The following GRIN2B variants were observed in gnomAD, a reference collection of about 807,000 sequenced individuals.
GRIN2B encodes glutamate ionotropic receptor NMDA type subunit 2B.
A neutral mutation model predicts 114.5 loss-of-function variants in GRIN2B; 5 were observed. The ratio of observed to expected loss-of-function variants is 0.04; its 90% CI spans 0.02 to 0.09. The LOEUF is 0.09. Among genes scored for constraint, GRIN2B ranks in the 10% least tolerant of loss-of-function variants. The pLI is 1.00. For synonymous variants in GRIN2B, 787 were observed against 745.1 expected (o/e 1.06, Z -0.92); for missense variants, 1,108 against 1,943.5 (o/e 0.57, Z 8.08).
chr12:13,956,022 A>G (rs1005539656), intron 2 of GRIN2B, among the ~76,000 whole-genome samples: 2 of 152,186 alleles, frequency 1.3e-5, no homozygotes, highest in African/African-American at 4.8e-5. Flanking sequence ...TGTTTGAAGG[A>G]TATGGGAAGG....
chr12:13,750,232 G>A (rs118038650), intron 4 of GRIN2B, among the ~76,000 whole-genome samples: 10 of 152,292 alleles, frequency 6.6e-5, no homozygotes, highest in East Asian at 5.8e-4. Context: ...TGGAAAAGAC[G>A]GATGTGGGCC....
chr12:13,727,374 T>C (rs1863009212), intron 4 of GRIN2B, among the ~76,000 whole-genome samples: 1 of 152,032 alleles, frequency 6.6e-6, no homozygotes, highest in African/African-American at 2.4e-5. Context: ...CTTGAATTGA[T>C]CTGAAGATTT....
chr12:13,713,907 A>AT (rs777669380), intron 4 of GRIN2B, among the ~76,000 whole-genome samples: 116 of 151,090 alleles, frequency 7.7e-4, no homozygotes, highest in African/African-American at 9.9e-4. Context: ...TTTTGTAAAG[A>AT]TTTTTTTTTC....
chr12:13,618,539 C>T (rs866149234), intron 5 of GRIN2B, among the ~76,000 whole-genome samples: 14 of 152,074 alleles, frequency 9.2e-5, no homozygotes, highest in South Asian at 4.2e-4. Flanking sequence ...AATTTCAAAC[C>T]TCACTAAGGG....
chr12:13,688,250 T>G (rs1431796106), intron 4 of GRIN2B, among the ~76,000 whole-genome samples: 2 of 152,122 alleles, frequency 1.3e-5, no homozygotes, highest in Admixed American at 6.6e-5. Context: ...GAACTAAAAT[T>G]CAAATCCAGA....
At chr12:13,849,445 T>C (rs749846557) in intron 3 of GRIN2B, among the ~76,000 whole-genome samples, 104 of 152,046 alleles carry the variant, frequency 6.8e-4, no homozygotes, top group Non-Finnish European at 4.0e-4. Flanking sequence ...CCCCAATTCC[T>C]CTCTTCCTGG....
At chr12:13,928,487 G>T (rs1209363889) in intron 2 of GRIN2B, among the ~76,000 whole-genome samples, 1 of 152,070 alleles carries the variant, frequency 6.6e-6, no homozygotes, top group African/African-American at 2.4e-5. Flanking sequence ...GATGAAATCA[G>T]ATTATGTAAC....
At chr12:13,698,231 G>A (rs960058317) in intron 4 of GRIN2B, among the ~76,000 whole-genome samples, 6 of 152,210 alleles carry the variant, frequency 3.9e-5, no homozygotes, top group East Asian at 1.9e-4. Flanking sequence ...GGCGCGGGGC[G>A]CGGGGAGCGG....
intron 5 of GRIN2B, among the ~76,000 whole-genome samples, chr12:13,628,575 T>A (rs368456058): frequency 1.8e-4 from 28 of 152,364 alleles, no homozygotes; most frequent in African/African-American, 6.3e-4. Context: ...ATTGCACATT[T>A]AGTAAACCAA....
intron 5 of GRIN2B, among the ~76,000 whole-genome samples, chr12:13,661,030 A>T (rs1308048701): frequency 6.6e-6 from 1 of 152,222 alleles, no homozygotes; most frequent in Non-Finnish European, 1.5e-5. Flanking sequence ...AAGATGCAAC[A>T]TTCTGGCCCT....
At chr12:13,841,083 A>C (rs1413822580) in intron 3 of GRIN2B, among the ~76,000 whole-genome samples, 2 of 152,194 alleles carry the variant, frequency 1.3e-5, no homozygotes, top group Non-Finnish European at 2.9e-5. Flanking sequence ...AAAGCAAAGA[A>C]ACATATTTTT....
intron 3 of GRIN2B, among the ~76,000 whole-genome samples, chr12:13,835,810 A>C (rs992314992): frequency 1.3e-5 from 2 of 151,642 alleles, no homozygotes; most frequent in Non-Finnish European, 2.9e-5. Flanking sequence ...GCCAGCAGGA[A>C]TATGTCCTAA....
chr12:13,624,203 C>T (rs773948928), intron 5 of GRIN2B, among the ~76,000 whole-genome samples: 11 of 152,182 alleles, frequency 7.2e-5, no homozygotes, highest in Non-Finnish European at 1.2e-4. Context: ...TTAAGCCCTT[C>T]GAGGGCAGGG....
intron 5 of GRIN2B, among the ~76,000 whole-genome samples, chr12:13,631,778 C>T (rs528949484): frequency 2.6e-5 from 4 of 152,300 alleles, no homozygotes; most frequent in South Asian, 4.1e-4. Flanking sequence ...TGTGCAAGAA[C>T]AGAATTATTG....
intron 2 of GRIN2B, among the ~76,000 whole-genome samples, chr12:13,893,380 C>CA (rs34840030): frequency 2.6e-5 from 4 of 151,650 alleles, no homozygotes; most frequent in Non-Finnish European, 5.9e-5. Flanking sequence ...CTAATACTTC[C>CA]AAAAAAGGTT....
chr12:13,796,392 G>A (rs182477090), intron 3 of GRIN2B, among the ~76,000 whole-genome samples: 59 of 152,268 alleles, frequency 3.9e-4, no homozygotes, highest in Middle Eastern at 3.4e-3. Flanking sequence ...GTCTCACTTT[G>A]TGAGTCAGGG....
intron 5 of GRIN2B, among the ~76,000 whole-genome samples, chr12:13,620,161 G>A (rs1053252676): frequency 2.0e-5 from 3 of 152,226 alleles, no homozygotes; most frequent in Non-Finnish European, 4.4e-5. Context: ...GATAGCTGAG[G>A]AGGTAAGAGT....
intron 3 of GRIN2B, among the ~76,000 whole-genome samples, chr12:13,765,143 T>A (rs1373426350): frequency 6.6e-6 from 1 of 152,248 alleles, no homozygotes; most frequent in Non-Finnish European, 1.5e-5. Flanking sequence ...AATTCGGTAC[T>A]GCCTAAAAGT....
intron 4 of GRIN2B, chr12:13,683,503 C>G (rs1283726301): frequency 1.3e-5 from 2 of 152,210 alleles, no homozygotes; most frequent in African/African-American, 2.4e-5. Context: ...ATAATATTAC[C>G]TATCTCATAG....
Sources: allele counts gnomAD v4.1 joint callset (sites outside exome capture counted in the v4.1 genomes callset), GRCh38; gene constraint gnomAD v4.1.1; transcripts MANE v1.5; gene names NCBI Gene and HGNC (gene_info 2026-07-23, HGNC 2026-07-21).